FMN1: variants seen among roughly 807,000 people sequenced by gnomAD.
The protein encoded by FMN1 is formin 1.
In FMN1, 110 loss-of-function variants were observed where a neutral mutation model predicts 132.4. That is an observed-to-expected ratio of 0.83 (90% confidence interval 0.71 to 0.97). FMN1 has a LOEUF of 0.97. Ranked by LOEUF, FMN1 falls within the 50% of genes least tolerant of loss-of-function variation. The pLI, the probability that FMN1 is intolerant of heterozygous loss-of-function variation, is 0.00. For missense variants in FMN1, 1,792 were observed against 1,705.3 expected, an observed-to-expected ratio of 1.05 and a Z score of -0.90; for synonymous variants, 722 against 651.7, an observed-to-expected ratio of 1.11 and a Z score of -1.64.
At chr15:33,077,865 C>T (rs1048935440) in intron 5 of FMN1, among the ~76,000 whole-genome samples, 12 of 151,112 alleles carry the variant, frequency 7.9e-5, no homozygotes, top group Admixed American at 3.3e-4. Flanking sequence ...GATATTTATG[C>T]AGCCAAAAGA....
intron 4 of FMN1, among the ~76,000 whole-genome samples, chr15:33,098,935 A>C (rs1212472001): frequency 6.6e-6 from 1 of 151,968 alleles, no homozygotes; most frequent in African/African-American, 2.4e-5. Flanking sequence ...GGGGCCCTTC[A>C]ATCTCCACAC....
In FMN1 at chr15:33,064,956, C is replaced by T. The variant is rs754202038; in HGVS notation, c.2161+1G>A. 3 of 1,602,518 alleles carry T rather than the reference C, an allele frequency of 1.9e-6. No homozygotes were observed. The highest frequency in any genetic ancestry group is 2.6e-6 in the Non-Finnish European group (3 of 1,173,266). ...GGGTCCCTAGCTTCCTTTCACATTA[C>T]CTGCTTCAGTGTACTTCAGTCCCAC... On this transcript the variant is annotated splice_donor_variant, in intron 6 of 20. Transcript: ENST00000616417. LOFTEE classifies it high-confidence loss of function.
intron 17 of FMN1, among the ~76,000 whole-genome samples, chr15:32,819,574 A>G (rs1047496452): frequency 2.6e-5 from 4 of 152,170 alleles, no homozygotes; most frequent in African/African-American, 9.7e-5. Context: ...GTGGGACAAG[A>G]TTTATTGCAT....
intron 5 of FMN1, chr15:33,066,895 C>G (rs1441577581): frequency 1.2e-6 from 2 of 1,613,992 alleles, no homozygotes; most frequent in South Asian, 2.2e-5. Context: ...CAGTTGCTTT[C>G]TTCTCACTCT....
At chr15:33,159,656 A>G (rs1286036337) in intron 3 of FMN1, among the ~76,000 whole-genome samples, 1 of 152,244 alleles carries the variant, frequency 6.6e-6, no homozygotes, top group Non-Finnish European at 1.5e-5. Context: ...GAGGAAGACC[A>G]GGCTTTGAAG....
chr15:32,941,076 G>GA (rs35484037), intron 9 of FMN1, among the ~76,000 whole-genome samples: 2 of 152,026 alleles, frequency 1.3e-5, no homozygotes, highest in African/African-American at 4.8e-5. Context: ...AGCAGCCTGC[G>GA]AAAAAAATCA....
At chr15:32,897,963 A>G (rs1378336915) in intron 15 of FMN1, among the ~76,000 whole-genome samples, 1 of 152,218 alleles carries the variant, frequency 6.6e-6, no homozygotes, top group East Asian at 1.9e-4. Flanking sequence ...TCTTAACAGA[A>G]ATCAGGGAAA....
chr15:32,811,105 G>A (rs1223692002), intron 17 of FMN1: 1 of 456,758 alleles, frequency 2.2e-6, no homozygotes, highest in Admixed American at 2.3e-5. Flanking sequence ...CATCGGAAAG[G>A]GATGGCCTTT....
At chr15:33,093,683 T>G (rs1181077755) in intron 4 of FMN1, among the ~76,000 whole-genome samples, 4 of 152,096 alleles carry the variant, frequency 2.6e-5, no homozygotes, top group Admixed American at 2.6e-4. Flanking sequence ...GGGAAGTATG[T>G]GGGGAGAGAA....
intron 10 of FMN1, among the ~76,000 whole-genome samples, chr15:32,919,377 G>A (rs922895745): frequency 5.3e-5 from 8 of 152,080 alleles, no homozygotes; most frequent in Non-Finnish European, 7.4e-5. Context: ...AATGGCACCC[G>A]CCAAGAAGTT....
At chr15:32,876,017 G>A (rs2059628514) in intron 16 of FMN1, among the ~76,000 whole-genome samples, 1 of 152,072 alleles carries the variant, frequency 6.6e-6, no homozygotes. Flanking sequence ...AGCACCATAG[G>A]CAGGTAAAGT....
chr15:33,161,732 C>G (rs968334039), intron 3 of FMN1, among the ~76,000 whole-genome samples: 2 of 152,080 alleles, frequency 1.3e-5, no homozygotes, highest in Admixed American at 6.5e-5. Flanking sequence ...CCCTGGCCAA[C>G]ACGGTGAAAC....
At chr15:33,026,410 T>TCACACACACACACACACACACA (rs71113496) in intron 6 of FMN1, among the ~76,000 whole-genome samples, 4,481 of 140,018 alleles carry the variant, frequency 0.032, 144 homozygotes, top group East Asian at 0.049. Flanking sequence ...GTCCAAATTT[T>TCACACACACACACACACACACA]CACACACACA....
chr15:32,976,887 C>T (rs899958292), intron 7 of FMN1, among the ~76,000 whole-genome samples: 3 of 152,144 alleles, frequency 2.0e-5, no homozygotes, highest in Non-Finnish European at 2.9e-5. Context: ...ACCAACATGG[C>T]GTGAGTGTTC....
rs7162695 is a variant in FMN1, at chr15:32,798,878, A to G, written c.4056T>C (p.Phe1352=). The part of the protein sequence containing the change: ...GEKEITPSYV[F]MVWYEFCSDF... ...CACTGCAGAACTCATACCACACCAT[A>G]AACACGTAGCTGGGTGTGATCTCCT... Residue 1352 remains phenylalanine, a synonymous_variant, in exon 19 of 21, where the codon TTT becomes TTC. Transcript: ENST00000616417. The G allele has an allele frequency of 0.14, 231,167 of 1,612,918 alleles. 16,936 individuals are homozygous for G. Among genetic ancestry groups the G allele is most frequent in the African/African-American group, 0.19 (14,591 of 74,920 alleles).
rs189319349 is a variant in FMN1 at position 32,892,881 on chromosome 15, C to T, written c.3715-4589G>A. 1.1e-3 allele frequency among the ~76,000 whole-genome samples: 165 copies of T among 152,230 alleles called. 1 individual carries two copies. The highest frequency in any genetic ancestry group is 2.4e-4 in the Non-Finnish European group (16 of 68,012). On this transcript the variant is annotated intron_variant, in intron 15 of 20. Coordinates refer to ENST00000616417, the MANE Select transcript of FMN1 (RefSeq NM_001277313.2). Reference sequence around the variant, plus strand: ...TTTTAAATTGCCATGTTATCTTGTACATCTTCCCCACTAGACTCTAAACAC... The same window carrying T: ...TTTTAAATTGCCATGTTATCTTGTATATCTTCCCCACTAGACTCTAAACAC...
chr15:32,869,738 G>A (rs1248888559), intron 16 of FMN1, among the ~76,000 whole-genome samples: 1 of 152,208 alleles, frequency 6.6e-6, no homozygotes, highest in Non-Finnish European at 1.5e-5. Context: ...CAGTAGGAAA[G>A]TGAAGGTCTG....
chr15:33,194,428 G>C (rs1465478137), intron 1 of FMN1, 150 bp downstream of exon 1: 1 of 152,316 alleles, frequency 6.6e-6, no homozygotes, highest in African/African-American at 2.4e-5. Context: ...AACCGACACA[G>C]AAGGGGAGGA....
intron 5 of FMN1, chr15:33,066,719 T>TGGG (rs2037745814): frequency 6.2e-7 from 1 of 1,613,678 alleles, no homozygotes; most frequent in African/African-American, 1.3e-5. Flanking sequence ...CTCACCACCC[T>TGGG]GGGTTTGTGG....
Sources: gnomAD v4.1 joint callset for allele counts (sites outside exome capture counted in the v4.1 genomes callset) on GRCh38, gnomAD v4.1.1 for gene constraint, MANE v1.5 for transcripts, NCBI Gene and HGNC (gene_info 2026-07-23, HGNC 2026-07-21) for gene names.